The following SPAG16 variants were observed in gnomAD, a reference collection of about 807,000 sequenced individuals.
The protein encoded by SPAG16 is sperm associated antigen 16.
Under a neutral mutation model 80.4 loss-of-function variants are expected in SPAG16, and 86 were observed. The ratio of observed to expected loss-of-function variants is 1.07; its 90% confidence interval spans 0.90 to 1.28. The LOEUF (loss-of-function observed/expected upper bound fraction) is 1.28. Among genes scored for constraint, SPAG16 ranks in the 50% most tolerant of loss-of-function variants. The pLI, the probability that SPAG16 is intolerant of heterozygous loss-of-function variation, is 0.00. For missense variants in SPAG16, 870 were observed against 765.3 expected, an observed-to-expected ratio of 1.14 and a Z score of -1.61; for synonymous variants, 294 against 265.9, an observed-to-expected ratio of 1.11 and a Z score of -1.03.
intron 10 of SPAG16, among the ~76,000 whole-genome samples, chr2:213,593,293 C>A (rs957978869): frequency 4.6e-5 from 7 of 152,062 alleles, no homozygotes; most frequent in African/African-American, 1.7e-4. Context: ...TTTCCTGGAA[C>A]CTGACTAGAT....
intron 10 of SPAG16, among the ~76,000 whole-genome samples, chr2:213,705,243 G>C (rs2065689764): frequency 6.6e-6 from 1 of 150,902 alleles, no homozygotes; most frequent in South Asian, 2.1e-4. Flanking sequence ...GCAAGACTCT[G>C]TCTCAAAAAT....
intron 15 of SPAG16, among the ~76,000 whole-genome samples, chr2:214,312,415 T>C (rs1019554586): frequency 2.0e-5 from 3 of 152,216 alleles, no homozygotes; most frequent in African/African-American, 7.2e-5. Context: ...TCAATGGCTA[T>C]GGAAAAAGTA....
intron 1 of SPAG16, among the ~76,000 whole-genome samples, chr2:213,295,246 TAAC>T (rs968281361): frequency 5.9e-5 from 9 of 151,968 alleles, no homozygotes; most frequent in Non-Finnish European, 1.2e-4. Context: ...CTAACAATAA[TAAC>T]AACAACAACA....
intron 9 of SPAG16, among the ~76,000 whole-genome samples, chr2:213,429,806 C>A (rs547918533): frequency 6.6e-6 from 1 of 152,258 alleles, no homozygotes; most frequent in East Asian, 1.9e-4. Flanking sequence ...ACTCAGTATA[C>A]ATCATAGACA....
intron 11 of SPAG16, among the ~76,000 whole-genome samples, chr2:213,887,700 A>T (rs970919568): frequency 6.6e-6 from 1 of 151,420 alleles, no homozygotes; most frequent in African/African-American, 2.4e-5. Context: ...TTTAATAAAA[A>T]TTTTTAAAAT....
intron 15 of SPAG16, among the ~76,000 whole-genome samples, chr2:214,273,177 T>A (rs557586313): frequency 1.3e-3 from 196 of 152,232 alleles, no homozygotes; most frequent in Middle Eastern, 3.4e-3. Flanking sequence ...AGTTCTTTGT[T>A]GATTCTGGAT....
intron 15 of SPAG16, among the ~76,000 whole-genome samples, chr2:214,271,630 T>A (rs1256607348): frequency 2.0e-5 from 3 of 152,006 alleles, no homozygotes; most frequent in Non-Finnish European, 4.4e-5. Flanking sequence ...GAAAACCCTG[T>A]CTCTACTAAA....
intron 14 of SPAG16, among the ~76,000 whole-genome samples, chr2:214,117,973 T>G (rs968323639): frequency 1.7e-4 from 26 of 152,178 alleles, no homozygotes; most frequent in African/African-American, 5.8e-4. Flanking sequence ...ACTATTTCTG[T>G]TCAACATAGC....
chr2:213,574,656 T>TC (rs2060052575), intron 10 of SPAG16, among the ~76,000 whole-genome samples: 1 of 144,414 alleles, frequency 6.9e-6, no homozygotes, highest in African/African-American at 2.7e-5. Context: ...ATATCATATA[T>TC]ATGATATATG....
At chr2:213,434,078 C>T (rs910659063) in intron 9 of SPAG16, among the ~76,000 whole-genome samples, 8 of 151,938 alleles carry the variant, frequency 5.3e-5, no homozygotes, top group East Asian at 1.9e-4. Flanking sequence ...CCGCCATGAC[C>T]GGTTAATTTT....
At chr2:213,493,381 C>A (rs764659670) in intron 10 of SPAG16, among the ~76,000 whole-genome samples, 2 of 152,038 alleles carry the variant, frequency 1.3e-5, no homozygotes, top group Admixed American at 1.3e-4. Flanking sequence ...ATTTAAAAAT[C>A]ATTGATGTAT....
chr2:213,846,107 A>T (rs1336657027), intron 10 of SPAG16, among the ~76,000 whole-genome samples: 1 of 152,190 alleles, frequency 6.6e-6, no homozygotes, highest in Non-Finnish European at 1.5e-5. Context: ...AACTTAAAAC[A>T]TACCAACAAT....
chr2:213,802,024 G>A (rs1270441519), intron 10 of SPAG16, among the ~76,000 whole-genome samples: 2 of 152,118 alleles, frequency 1.3e-5, no homozygotes, highest in African/African-American at 4.8e-5. Flanking sequence ...ACATTTTCAG[G>A]TCACCATCAC....
intron 10 of SPAG16, among the ~76,000 whole-genome samples, chr2:213,843,908 T>A (rs991547834): frequency 2.6e-5 from 4 of 152,028 alleles, no homozygotes; most frequent in African/African-American, 9.7e-5. Context: ...CACTATGACC[T>A]AAGTTAGGAT....
chr2:214,279,282 A>G (rs1393229365), intron 15 of SPAG16, among the ~76,000 whole-genome samples: 3 of 152,150 alleles, frequency 2.0e-5, no homozygotes, highest in Non-Finnish European at 2.9e-5. Flanking sequence ...TTTTTAGTAA[A>G]GACTGGGTTT....
At chr2:213,884,391 A>T (rs999309036) in intron 11 of SPAG16, among the ~76,000 whole-genome samples, 6 of 152,184 alleles carry the variant, frequency 3.9e-5, no homozygotes, top group Admixed American at 3.3e-4. Context: ...AGTTTCTTCC[A>T]TATGTGATTT....
intron 15 of SPAG16, among the ~76,000 whole-genome samples, chr2:214,386,171 T>C (rs186943680): frequency 1.3e-5 from 2 of 152,240 alleles, no homozygotes; most frequent in East Asian, 3.9e-4. Flanking sequence ...GCCCAGAAGT[T>C]TGAGACCAGC....
chr2:213,829,807 C>T (rs947757440), intron 10 of SPAG16, among the ~76,000 whole-genome samples: 3 of 152,246 alleles, frequency 2.0e-5, no homozygotes, highest in Admixed American at 6.5e-5. Flanking sequence ...GCAGGAATGA[C>T]GGCCTAGAAT....
intron 13 of SPAG16, among the ~76,000 whole-genome samples, chr2:214,035,452 C>T (rs971509572): frequency 6.6e-6 from 1 of 152,162 alleles, no homozygotes; most frequent in African/African-American, 2.4e-5. Context: ...CTCAGCAGCC[C>T]CTCAACCCCC....
Sources: gnomAD v4.1 joint callset for allele counts (sites outside exome capture counted in the v4.1 genomes callset) on GRCh38, gnomAD v4.1.1 for gene constraint, MANE v1.5 for transcripts, NCBI Gene and HGNC (gene_info 2026-07-23, HGNC 2026-07-21) for gene names.